The following ZDHHC13 variants were observed in gnomAD, a reference collection of about 807,000 sequenced individuals.
The protein encoded by ZDHHC13 is zDHHC palmitoyltransferase 13.
ZDHHC13 carries 85 observed loss-of-function variants against 86.0 expected under a neutral mutation model. The observed-to-expected ratio is 0.99, with a 90% confidence interval of 0.83 to 1.18. The LOEUF (loss-of-function observed/expected upper bound fraction) is 1.18. ZDHHC13 is among the 50% of genes most tolerant of loss of function. The probability of loss-of-function intolerance (pLI) is 0.00; values close to 1 mark genes in which losing one functional copy is unlikely to be tolerated. For missense variants in ZDHHC13, 711 were observed against 730.2 expected (o/e 0.97, Z 0.30); for synonymous variants, 263 against 246.4 (o/e 1.07, Z -0.63).
intron 15 of ZDHHC13, 88 bp downstream of exon 15, chr11:19,170,656 C>A: frequency 7.8e-7 from 1 of 1,285,882 alleles, no homozygotes; most frequent in Non-Finnish European, 1.1e-6. Flanking sequence ...AGAAGATGCA[C>A]ATTCTGTTTT....
chr11:19,147,617 T>C lies in ZDHHC13; in HGVS notation c.318T>C (p.Ala106=), dbSNP rs1849499377. ...DLVKFYISKG[A]VVDQLGGDLN... is the part of the protein sequence containing the mutation. ...ACAGGTTTTATATTTCAAAAGGTGC[T>C]GTTGTAGATCAGTTGGGTGGAGATT... The change falls in exon 4 of 17, where the codon GCT becomes GCC. Residue 106 remains alanine, a synonymous_variant. Coordinates refer to ENST00000446113, the MANE Select transcript of ZDHHC13 (RefSeq NM_019028.3). The C allele has an allele frequency of 1.9e-6, 3 of 1,600,976 alleles. No individual in the cohort carries two copies. Among genetic ancestry groups the C allele is most frequent in the Middle Eastern group, 1.6e-4 (1 of 6,062 alleles).
intron 10 of ZDHHC13, 104 bp from the exon 11 acceptor site, chr11:19,163,199 C>A: frequency 8.1e-7 from 1 of 1,234,058 alleles, no homozygotes. Flanking sequence ...GACATGTGTG[C>A]ATAAGGAAGG....
intron 6 of ZDHHC13, 48 bp from the exon 7 acceptor site, chr11:19,152,110 G>C: frequency 6.3e-7 from 1 of 1,582,704 alleles, no homozygotes; most frequent in Non-Finnish European, 8.6e-7. Flanking sequence ...TACTCCTTAA[G>C]TCATCATCTC....
At chr11:19,169,522 A>G in intron 14 of ZDHHC13, 1 of 985,476 alleles carries the variant, frequency 1.0e-6, no homozygotes, top group Non-Finnish European at 1.2e-6. Flanking sequence ...GCATTGGGAA[A>G]ATGTCCAAAA....
intron 16 of ZDHHC13, 56 bp downstream of exon 16, chr11:19,172,876 T>G (rs2133486801): frequency 6.8e-7 from 1 of 1,481,406 alleles, no homozygotes; most frequent in East Asian, 2.5e-5. Flanking sequence ...AGTCACTGGT[T>G]TCCTAAGCTG....
At chr11:19,121,556 A>T (rs1282562391) in intron 1 of ZDHHC13, among the ~76,000 whole-genome samples, 1 of 152,212 alleles carries the variant, frequency 6.6e-6, no homozygotes, top group Admixed American at 6.5e-5. Flanking sequence ...TGTGATTTGT[A>T]TAGGTGTTCT....
intron 4 of ZDHHC13, among the ~76,000 whole-genome samples, chr11:19,148,461 ATAT>A (rs1849526551): frequency 1.3e-5 from 2 of 152,154 alleles, no homozygotes; most frequent in African/African-American, 4.8e-5. Context: ...ATAGCTCTTA[ATAT>A]TATCACAGTA....
At position 19,143,065 on chromosome 11, in the gene ZDHHC13, A is replaced by G. The variant is rs753554311; in HGVS notation, c.115A>G (p.Arg39Gly). The G allele has an allele frequency of 5.0e-6, 8 of 1,613,258 alleles. No homozygotes were observed. The highest frequency in any genetic ancestry group is 6.8e-6 in the Non-Finnish European group (8 of 1,179,628). The change falls in exon 2 of 17, where the codon AGA becomes GGA. Residue 39 changes from arginine to glycine, a missense_variant. Arg to Gly is a moderately radical substitution (Grantham distance 125, BLOSUM62 -2). Transcript: ENST00000446113. ...TGAAAACAAAGAACTTGCCAATGCA[A>G]GAGAAGCTCTTCCTCTTATAGAGGA... ...AHENKELANA[R>G]EALPLIEDSS...
intron 2 of ZDHHC13, among the ~76,000 whole-genome samples, chr11:19,144,838 G>A (rs772594072): frequency 6.6e-6 from 1 of 152,148 alleles, no homozygotes; most frequent in Non-Finnish European, 1.5e-5. Flanking sequence ...CTAATAGGCC[G>A]GGTGTGGTGG....
In ZDHHC13 at chr11:19,117,426, C is replaced by T; in HGVS notation, c.27+150C>T. 1 of 808,134 alleles carries T rather than the reference C, an allele frequency of 1.2e-6. No homozygotes were observed. The highest frequency in any genetic ancestry group is 2.1e-5 in the South Asian group (1 of 46,872). 50.1% of individuals were successfully genotyped at this position (808,134 alleles called of 1,614,324 possible). On this transcript the variant is annotated intron_variant, in intron 1 of 16. Transcript: ENST00000446113. The surrounding 1 kb of genome is among the most constrained non-coding windows in gnomAD (Gnocchi z 4.2). ...GGGAAGCGGGAGCCTGGAAACACCA[C>T]GAACGATGCTGGAAATTGTCTCTGA...
At chr11:19,165,245 A>C (rs1281860964) in intron 13 of ZDHHC13, 100 bp downstream of exon 13, 1 of 1,068,680 alleles carries the variant, frequency 9.4e-7, no homozygotes, top group African/African-American at 1.6e-5. Flanking sequence ...TCCATTTTCA[A>C]TATTCTAGTA....
chr11:19,152,685 G>A lies in ZDHHC13; in HGVS notation c.873+1G>A, dbSNP rs1590080323. The A allele has an allele frequency of 6.2e-6, 10 of 1,612,958 alleles. No homozygotes were observed. The East Asian group carries it at 2.2e-4, about 36-fold the overall frequency. On this transcript the variant is annotated splice_donor_variant, in intron 8 of 16. Coordinates refer to ENST00000446113, the MANE Select transcript of ZDHHC13 (RefSeq NM_019028.3). LOFTEE classifies it high-confidence loss of function. ...TTGGAGGTGGCTGCAGAAATGCGAG[G>A]TATTTTCATATGGGGTCTTTTCTAT...
intron 9 of ZDHHC13, among the ~76,000 whole-genome samples, chr11:19,156,205 G>T (rs959303764): frequency 3.3e-5 from 5 of 151,992 alleles, no homozygotes; most frequent in African/African-American, 1.2e-4. Flanking sequence ...GAATGATGGG[G>T]AGATTTTTGT....
intron 1 of ZDHHC13, among the ~76,000 whole-genome samples, chr11:19,134,233 C>T (rs561335782): frequency 1.3e-5 from 2 of 152,056 alleles, no homozygotes; most frequent in Non-Finnish European, 2.9e-5. Context: ...TGGTGGCTTA[C>T]ACCTGTAATC....
intron 1 of ZDHHC13, among the ~76,000 whole-genome samples, chr11:19,135,501 C>A (rs1052649375): frequency 3.9e-5 from 6 of 152,212 alleles, no homozygotes; most frequent in African/African-American, 1.4e-4. Flanking sequence ...TGGGGAGGGG[C>A]GCCCGCCATT....
chr11:19,148,160 C>T (rs1187359114), intron 4 of ZDHHC13, among the ~76,000 whole-genome samples: 4 of 151,482 alleles, frequency 2.6e-5, no homozygotes, highest in Non-Finnish European at 4.4e-5. Flanking sequence ...TGTGTGGTCA[C>T]TCTCCTTTTT....
intron 14 of ZDHHC13, chr11:19,169,735 TAGG>T (rs1283328764): frequency 2.0e-6 from 2 of 985,372 alleles, no homozygotes; most frequent in Non-Finnish European, 2.4e-6. Context: ...CTACATGGGT[TAGG>T]AGGTTGATAT....
intron 14 of ZDHHC13, chr11:19,170,147 A>G: frequency 7.9e-7 from 1 of 1,270,694 alleles, no homozygotes; most frequent in East Asian, 3.8e-5. Flanking sequence ...GATTTTAGTA[A>G]AGATTTTACG....
At chr11:19,143,978 T>C (rs187169249) in intron 2 of ZDHHC13, among the ~76,000 whole-genome samples, 1 of 152,312 alleles carries the variant, frequency 6.6e-6, no homozygotes, top group Admixed American at 6.5e-5. Context: ...GTTACCATAC[T>C]AACTTGATAT....
Sources: allele counts gnomAD v4.1 joint callset (sites outside exome capture counted in the v4.1 genomes callset), GRCh38; gene constraint gnomAD v4.1.1; non-coding constraint Gnocchi (gnomAD v3.1); transcripts MANE v1.5; gene names NCBI Gene and HGNC (gene_info 2026-07-23, HGNC 2026-07-21).